The following OR56A3 variants were observed in gnomAD, a reference collection of about 807,000 sequenced individuals.
OR56A3 encodes the protein olfactory receptor family 56 subfamily A member 3.
A neutral mutation model predicts 17.5 loss-of-function variants in OR56A3; 23 were observed. That is an observed-to-expected ratio of 1.32 (90% CI 0.95 to 1.87). The LOEUF (loss-of-function observed/expected upper bound fraction) is 1.87. Among genes scored for constraint, OR56A3 ranks in the 40% most tolerant of loss-of-function variants. The probability of loss-of-function intolerance (pLI) is 0.00; values close to 1 mark genes in which losing one functional copy is unlikely to be tolerated. For missense variants in OR56A3, 366 were observed against 380.1 expected (o/e 0.96, Z 0.31); for synonymous variants, 175 against 150.6 (o/e 1.16, Z -1.19).
chr11:5,997,372 C>T, the OR56A3 span, among the ~76,000 whole-genome samples: 1 of 152,182 alleles, frequency 6.6e-6, no homozygotes, highest in African/African-American at 2.4e-5. Flanking sequence ...GACCTAGCAG[C>T]TCAAGGATGC....
chr11:5,967,520 G>A, the OR56A3 span: 1 of 1,403,758 alleles, frequency 7.1e-7, no homozygotes, highest in Non-Finnish European at 9.6e-7. Flanking sequence ...ATCAATTTCT[G>A]TTTTCAAGGT....
chr11:5,994,509 C>G, the OR56A3 span: 2 of 847,234 alleles, frequency 2.4e-6, no homozygotes, highest in South Asian at 2.6e-5. Context: ...CCTTTTACTT[C>G]CTTTTCATGG....
chr11:5,975,100 G>A, the OR56A3 span, among the ~76,000 whole-genome samples: 1 of 152,130 alleles, frequency 6.6e-6, no homozygotes, highest in Non-Finnish European at 1.5e-5. Context: ...ACTGTCATCA[G>A]TATAAAGAGA....
the OR56A3 span, among the ~76,000 whole-genome samples, chr11:5,961,011 G>A: frequency 6.6e-6 from 1 of 151,950 alleles, no homozygotes; most frequent in Non-Finnish European, 1.5e-5. Flanking sequence ...GAGAAGTGAG[G>A]AGCCCCTCCG....
At chr11:5,986,620 A>G in the OR56A3 span, 3 of 1,613,850 alleles carry the variant, frequency 1.9e-6, no homozygotes, top group African/African-American at 2.7e-5. Context: ...GGCATGAACC[A>G]GGAGCACTGC....
At chr11:6,013,596 C>T in the OR56A3 span, among the ~76,000 whole-genome samples, 2 of 152,172 alleles carry the variant, frequency 1.3e-5, no homozygotes, top group Non-Finnish European at 2.9e-5. Flanking sequence ...CTCAGCTGTG[C>T]AGTCCAGGAA....
the OR56A3 span, chr11:6,019,872 T>C: frequency 6.6e-6 from 1 of 152,102 alleles, no homozygotes; most frequent in African/African-American, 2.4e-5. Flanking sequence ...CAAGTAAAAA[T>C]GAGACCTTGA....
At chr11:6,018,519 A>G in the OR56A3 span, among the ~76,000 whole-genome samples, 12 of 152,264 alleles carry the variant, frequency 7.9e-5, no homozygotes, top group South Asian at 6.2e-4. Context: ...AACACAATAT[A>G]CCAAAAACTA....
the OR56A3 span, among the ~76,000 whole-genome samples, chr11:5,978,943 C>G: frequency 6.6e-6 from 1 of 151,992 alleles, no homozygotes; most frequent in African/African-American, 2.4e-5. Context: ...TGAATGTTAT[C>G]AAAAGACTTT....
chr11:5,977,219 GATAT>G, the OR56A3 span, among the ~76,000 whole-genome samples: 3 of 151,950 alleles, frequency 2.0e-5, no homozygotes, highest in African/African-American at 7.3e-5. Flanking sequence ...TATTCCTTTG[GATAT>G]ATATCCAATA....
chr11:5,959,057 T>C, the OR56A3 span, among the ~76,000 whole-genome samples: 1 of 152,244 alleles, frequency 6.6e-6, no homozygotes, highest in Non-Finnish European at 1.5e-5. Context: ...ATTCCATAGG[T>C]TGGCTATTGT....
chr11:6,002,131 G>A, the OR56A3 span: 1 of 1,614,112 alleles, frequency 6.2e-7, no homozygotes, highest in Admixed American at 1.7e-5. Flanking sequence ...TTCAGAGCTG[G>A]GGGAATGAGG....
At chr11:6,001,011 G>C in the OR56A3 span, 1 of 152,322 alleles carries the variant, frequency 6.6e-6, no homozygotes, top group South Asian at 2.1e-4. Flanking sequence ...ATCTGAATTT[G>C]CATCCCCAAA....
chr11:5,948,944 A>G lies in OR56A3; in HGVS notation c.*650A>G, dbSNP rs1413942322. The G allele has an allele frequency of 2.0e-5, 3 of 152,466 alleles. No individual in the cohort carries two copies. Among genetic ancestry groups the G allele is most frequent in the South Asian group, 2.1e-4 (1 of 4,834 alleles). 9.4% of individuals were successfully genotyped at this position (152,466 alleles called of 1,614,324 possible). On this transcript the variant is annotated 3_prime_UTR_variant, in exon 3 of 3. Transcript: ENST00000641160. The stretch of plus-strand genomic sequence containing the variant: ...GATTCCTCATGAGTAACAATTATCA[A>G]TGAGTTTTACTGGATATATGAGATT...
chr11:5,979,343 G>T, the OR56A3 span, among the ~76,000 whole-genome samples: 14 of 150,868 alleles, frequency 9.3e-5, no homozygotes, highest in African/African-American at 3.1e-4. Flanking sequence ...GAGTCCATAT[G>T]ATCTAGGGCT....
At chr11:5,960,578 C>T in the OR56A3 span, among the ~76,000 whole-genome samples, 9 of 152,292 alleles carry the variant, frequency 5.9e-5, no homozygotes, top group East Asian at 5.8e-4. Flanking sequence ...TTGCCCAGGC[C>T]GGAGTGCAGT....
At chr11:5,978,858 T>C in the OR56A3 span, among the ~76,000 whole-genome samples, 1 of 152,184 alleles carries the variant, frequency 6.6e-6, no homozygotes, top group Non-Finnish European at 1.5e-5. Flanking sequence ...GGGTTTGTCA[T>C]AGATGGCTTT....
chr11:5,965,596 T>C, the OR56A3 span, among the ~76,000 whole-genome samples: 1 of 152,202 alleles, frequency 6.6e-6, no homozygotes, highest in Non-Finnish European at 1.5e-5. Context: ...TGTGCACACA[T>C]AATATTCACT....
the OR56A3 span, among the ~76,000 whole-genome samples, chr11:5,966,054 T>C: frequency 6.6e-6 from 1 of 151,968 alleles, no homozygotes; most frequent in African/African-American, 2.4e-5. Flanking sequence ...AACTATTGTT[T>C]TGGTGAAAGA....
Sources: allele counts gnomAD v4.1 joint callset (sites outside exome capture counted in the v4.1 genomes callset), GRCh38; gene constraint gnomAD v4.1.1; transcripts MANE v1.5; gene names NCBI Gene and HGNC (gene_info 2026-07-23, HGNC 2026-07-21).